Variants in CPS1 observed in about 807,000 individuals in gnomAD.
CPS1 encodes carbamoyl-phosphate synthase 1, also known as carbamoyl-phosphate synthase [ammonia], mitochondrial.
Under a neutral mutation model 174.6 loss-of-function variants are expected in CPS1, and 109 were observed. The observed-to-expected ratio is 0.62, with a 90% CI of 0.53 to 0.73. The LOEUF is 0.73. CPS1 is among the 30% of genes least tolerant of loss of function. The pLI, the probability that CPS1 is intolerant of heterozygous loss-of-function variation, is 0.00. For synonymous variants in CPS1, 637 were observed against 632.0 expected, an observed-to-expected ratio of 1.01 and a Z score of -0.12; for missense variants, 1,689 against 1,821.9, an observed-to-expected ratio of 0.93 and a Z score of 1.33.
chr2:210,486,821 A>G (rs146165692), intron 1 of CPS1, among the ~76,000 whole-genome samples: 131 of 152,028 alleles, frequency 8.6e-4, no homozygotes, highest in African/African-American at 3.2e-3. Flanking sequence ...GCTCTTTTCA[A>G]ATGCATTGTA....
intron 1 of CPS1, among the ~76,000 whole-genome samples, chr2:210,526,822 A>G (rs557590385): frequency 5.3e-5 from 8 of 152,096 alleles, no homozygotes; most frequent in Admixed American, 1.3e-4. Context: ...ACATTACTCA[A>G]TTGCAAGCAT....
chr2:210,503,767 G>A (rs1364611244), intron 1 of CPS1, among the ~76,000 whole-genome samples: 3 of 152,160 alleles, frequency 2.0e-5, no homozygotes, highest in Admixed American at 6.5e-5. Context: ...CATAGCAGCT[G>A]TGGTAGCACC....
chr2:210,675,647 T>C, intron 35 of CPS1, 81 bp from the exon 36 acceptor site: 1 of 777,910 alleles, frequency 1.3e-6, no homozygotes, highest in Non-Finnish European at 2.3e-6. Context: ...AATTTCTTCT[T>C]CTTTATGTTT....
At chr2:210,664,531 G>A (rs577446626) in intron 33 of CPS1, among the ~76,000 whole-genome samples, 20 of 151,984 alleles carry the variant, frequency 1.3e-4, no homozygotes, top group Admixed American at 2.0e-4. Flanking sequence ...TAGAGATGGC[G>A]TTTCTCCATG....
At chr2:210,628,077 A>G (rs73984659) in intron 21 of CPS1, among the ~76,000 whole-genome samples, 4,933 of 152,190 alleles carry the variant, frequency 0.032, 281 homozygotes, top group African/African-American at 0.11. Context: ...TTTTGACACC[A>G]TTTGCCTATA....
intron 1 of CPS1, among the ~76,000 whole-genome samples, chr2:210,539,839 A>G (rs1696353797): frequency 6.6e-6 from 1 of 152,040 alleles, no homozygotes; most frequent in South Asian, 2.1e-4. Context: ...TACTCTCAGA[A>G]CCTCTGTGTT....
At chr2:210,505,727 C>T (rs1165759395) in intron 1 of CPS1, among the ~76,000 whole-genome samples, 2 of 152,218 alleles carry the variant, frequency 1.3e-5, no homozygotes, top group African/African-American at 2.4e-5. Context: ...GCAAACGGCA[C>T]ACCAGGAGAT....
At chr2:210,565,195 G>GA in intron 1 of CPS1, among the ~76,000 whole-genome samples, 1 of 152,046 alleles carries the variant, frequency 6.6e-6, no homozygotes, top group East Asian at 1.9e-4. Context: ...TATTGTGTGT[G>GA]AAAAAATCTG....
intron 1 of CPS1, among the ~76,000 whole-genome samples, chr2:210,494,244 T>C (rs1694936721): frequency 6.6e-6 from 1 of 152,272 alleles, no homozygotes; most frequent in African/African-American, 2.4e-5. Context: ...ATTTTCTAAC[T>C]ATAAAATGGT....
At chr2:210,616,281 G>A (rs1303218574) in intron 20 of CPS1, 142 bp from the exon 21 acceptor site, 1 of 700,122 alleles carries the variant, frequency 1.4e-6, no homozygotes, top group Admixed American at 1.9e-5. Context: ...TGTCAGTGAT[G>A]TCAGTTTCAT....
chr2:210,608,639 G>T, intron 19 of CPS1, 80 bp downstream of exon 19: 2 of 1,407,640 alleles, frequency 1.4e-6, no homozygotes, highest in Non-Finnish European at 1.0e-6. Flanking sequence ...CAGTGTTAAA[G>T]TTGCCTGGAT....
In CPS1 at chr2:210,502,480, T is replaced by G. The variant is rs928916360; in HGVS notation, c.3+24714T>G. On this transcript the variant is annotated intron_variant, in intron 1 of 38. Transcript: ENST00000430249. ...ACATATAGATATATATATTTATATA[T>G]AAAAGAGATATAAATATAGAGATAT... Among the ~76,000 whole-genome samples the G allele has an allele frequency of 1.5e-5, 2 of 132,784 alleles. 1 individual carries two copies. 87.1% of individuals were successfully genotyped at this position (132,784 alleles called of 152,430 possible). A position where few individuals can be genotyped will look rare whatever the true frequency, so the allele number is the denominator to read the frequency against.
chr2:210,560,623 G>T (rs1697067614), intron 1 of CPS1, among the ~76,000 whole-genome samples: 1 of 152,028 alleles, frequency 6.6e-6, no homozygotes, highest in African/African-American at 2.4e-5. Context: ...CTTTTGAAAG[G>T]CATTCATTTT....
At chr2:210,495,164 T>C (rs557401821) in intron 1 of CPS1, among the ~76,000 whole-genome samples, 4 of 152,308 alleles carry the variant, frequency 2.6e-5, no homozygotes, top group African/African-American at 9.6e-5. Context: ...TGCTACTAAC[T>C]TCATTCTTTT....
intron 1 of CPS1, among the ~76,000 whole-genome samples, chr2:210,546,277 C>G (rs1406500285): frequency 6.6e-6 from 1 of 151,990 alleles, no homozygotes; most frequent in Non-Finnish European, 1.5e-5. Flanking sequence ...GTTACTCTTT[C>G]TAATTTGTCG....
At chr2:210,509,332 A>ATG (rs1695385271) in intron 1 of CPS1, among the ~76,000 whole-genome samples, 1 of 151,794 alleles carries the variant, frequency 6.6e-6, no homozygotes, top group Non-Finnish European at 1.5e-5. Flanking sequence ...ATTCAACAGC[A>ATG]CTTCATGCTA....
chr2:210,670,932 T>G (rs1171501079), intron 34 of CPS1, among the ~76,000 whole-genome samples: 1 of 152,198 alleles, frequency 6.6e-6, no homozygotes, highest in Non-Finnish European at 1.5e-5. Flanking sequence ...AGGATTCTTC[T>G]CAATCTATTA....
intron 1 of CPS1, among the ~76,000 whole-genome samples, chr2:210,485,982 A>G (rs1462404434): frequency 2.0e-5 from 3 of 151,810 alleles, no homozygotes; most frequent in Non-Finnish European, 4.4e-5. Context: ...TTGTAGTAGT[A>G]TCGCATTGTG....
At chr2:210,556,186 G>A, upstream of CPS1, among the ~76,000 whole-genome samples, 1 of 151,944 alleles carries the variant, frequency 6.6e-6, no homozygotes, top group East Asian at 1.9e-4. Context: ...CTATTTGTAG[G>A]ATGCTCTGAT....
Sources: allele counts gnomAD v4.1 joint callset (sites outside exome capture counted in the v4.1 genomes callset), GRCh38; gene constraint gnomAD v4.1.1; transcripts MANE v1.5; gene names NCBI Gene and HGNC (gene_info 2026-07-23, HGNC 2026-07-21).